NCAM2: variants seen among roughly 807,000 people sequenced by gnomAD.
NCAM2 encodes the protein neural cell adhesion molecule 2.
NCAM2 carries 30 observed loss-of-function variants against 98.1 expected under a neutral mutation model. The ratio of observed to expected loss-of-function variants is 0.31; its 90% CI spans 0.23 to 0.41. The LOEUF is 0.41. NCAM2 is among the 10% of genes least tolerant of loss of function. NCAM2 has a pLI of 1.00. For synonymous variants in NCAM2, 368 were observed against 342.4 expected, an observed-to-expected ratio of 1.07 and a Z score of -0.83; for missense variants, 867 against 1,005.8, an observed-to-expected ratio of 0.86 and a Z score of 1.87.
intron 1 of NCAM2, among the ~76,000 whole-genome samples, chr21:21,025,009 T>A (rs2064514298): frequency 6.6e-6 from 1 of 152,248 alleles, no homozygotes; most frequent in African/African-American, 2.4e-5. Context: ...TGTGCTAGAT[T>A]ATTGTTTGCA....
chr21:21,283,273 G>A (rs2072989948), intron 2 of NCAM2, among the ~76,000 whole-genome samples: 1 of 151,876 alleles, frequency 6.6e-6, no homozygotes, highest in African/African-American at 2.4e-5. Flanking sequence ...TTTCTTCAAA[G>A]AGGTCCTGCA....
intron 10 of NCAM2, among the ~76,000 whole-genome samples, chr21:21,411,255 A>G (rs2076882426): frequency 1.4e-5 from 2 of 144,976 alleles, no homozygotes; most frequent in Admixed American, 7.0e-5. Context: ...GGAAGAAAAA[A>G]TTGGTAATGT....
intron 1 of NCAM2, among the ~76,000 whole-genome samples, chr21:21,083,944 G>C (rs1308333670): frequency 6.6e-6 from 1 of 152,272 alleles, no homozygotes; most frequent in East Asian, 1.9e-4. Context: ...GTTGGGGAGA[G>C]TGGATGGTGT....
At chr21:21,444,678 A>C (rs1157429746) in intron 12 of NCAM2, among the ~76,000 whole-genome samples, 1 of 152,124 alleles carries the variant, frequency 6.6e-6, no homozygotes, top group Non-Finnish European at 1.5e-5. Flanking sequence ...ATCAGTGGTG[A>C]CATTCCCTTT....
intron 1 of NCAM2, among the ~76,000 whole-genome samples, chr21:21,250,693 C>T (rs898943312): frequency 2.0e-5 from 3 of 152,126 alleles, no homozygotes; most frequent in African/African-American, 4.8e-5. Flanking sequence ...CAAAACATTT[C>T]TACTAGTCAC....
intron 1 of NCAM2, among the ~76,000 whole-genome samples, chr21:21,170,230 T>C (rs1194876879): frequency 6.6e-6 from 1 of 152,200 alleles, no homozygotes; most frequent in African/African-American, 2.4e-5. Flanking sequence ...TCTTAATATA[T>C]GATCCAGCAG....
At chr21:21,355,530 G>T (rs1423624486) in intron 8 of NCAM2, among the ~76,000 whole-genome samples, 1 of 97,824 alleles carries the variant, frequency 1.0e-5, no homozygotes, top group African/African-American at 3.3e-5. Context: ...AGGGAGGAGG[G>T]AGGGAGGGAG....
intron 1 of NCAM2, among the ~76,000 whole-genome samples, chr21:21,180,028 C>T (rs192485440): frequency 3.8e-4 from 58 of 152,304 alleles, no homozygotes; most frequent in African/African-American, 1.2e-3. Flanking sequence ...CTGTTGGTGC[C>T]ACTTGCCATC....
intron 6 of NCAM2, among the ~76,000 whole-genome samples, chr21:21,332,066 C>A (rs1348628883): frequency 6.6e-6 from 1 of 151,696 alleles, no homozygotes; most frequent in Non-Finnish European, 1.5e-5. Context: ...CCACGCCCAG[C>A]TAATTATTTT....
intron 15 of NCAM2, among the ~76,000 whole-genome samples, chr21:21,484,825 T>G (rs1271503885): frequency 6.6e-6 from 1 of 152,178 alleles, no homozygotes; most frequent in Non-Finnish European, 1.5e-5. Flanking sequence ...TAACATACTT[T>G]ATTCTAAATT....
intron 13 of NCAM2, among the ~76,000 whole-genome samples, chr21:21,467,472 A>G (rs1173697794): frequency 6.8e-6 from 1 of 148,086 alleles, no homozygotes; most frequent in African/African-American, 2.5e-5. Flanking sequence ...GCTGCAATAT[A>G]TTATCTTACA....
intron 1 of NCAM2, among the ~76,000 whole-genome samples, chr21:21,128,604 C>T (rs1031275042): frequency 1.2e-4 from 18 of 151,956 alleles, no homozygotes; most frequent in Non-Finnish European, 2.2e-4. Context: ...AAAGTAGTGT[C>T]GAATAATGAT....
At chr21:21,325,374 T>C (rs756879464) in intron 6 of NCAM2, among the ~76,000 whole-genome samples, 2 of 152,228 alleles carry the variant, frequency 1.3e-5, no homozygotes, top group Non-Finnish European at 2.9e-5. Flanking sequence ...CTAACTTTTA[T>C]TCTTTTTTGC....
chr21:21,284,167 A>T (rs554277487), intron 2 of NCAM2, 27 bp from the exon 3 acceptor site: 1 of 1,558,752 alleles, frequency 6.4e-7, no homozygotes, highest in South Asian at 1.1e-5. Flanking sequence ...CAATTTTCAA[A>T]CCTTTATTTT....
chr21:21,141,847 T>G (rs2067174211), intron 1 of NCAM2, among the ~76,000 whole-genome samples: 1 of 152,180 alleles, frequency 6.6e-6, no homozygotes. Context: ...TTACTTTTAG[T>G]GGGAAATTGT....
At chr21:21,383,498 C>T (rs1332039120) in intron 9 of NCAM2, among the ~76,000 whole-genome samples, 2 of 152,058 alleles carry the variant, frequency 1.3e-5, no homozygotes, top group Admixed American at 1.3e-4. Flanking sequence ...TGGGAAAAGC[C>T]TTGAGAGAAA....
chr21:21,392,101 C>T, intron 9 of NCAM2, among the ~76,000 whole-genome samples: 1 of 152,106 alleles, frequency 6.6e-6, no homozygotes, highest in Non-Finnish European at 1.5e-5. Context: ...CTCCACCTCC[C>T]ACCCTCCACC....
At chr21:21,420,008 C>G (rs1415318768) in intron 11 of NCAM2, among the ~76,000 whole-genome samples, 3 of 152,032 alleles carry the variant, frequency 2.0e-5, no homozygotes, top group Non-Finnish European at 4.4e-5. Flanking sequence ...TTCTCCACAT[C>G]CTCTCCAGCA....
intron 9 of NCAM2, 122 bp downstream of exon 9, chr21:21,374,135 G>A: frequency 2.4e-6 from 2 of 848,206 alleles, no homozygotes; most frequent in Non-Finnish European, 3.5e-6. Context: ...CATAGCTTTA[G>A]AGGAAATATA....
Sources: allele counts gnomAD v4.1 joint callset (sites outside exome capture counted in the v4.1 genomes callset), GRCh38; gene constraint gnomAD v4.1.1; transcripts MANE v1.5; gene names NCBI Gene and HGNC (gene_info 2026-07-23, HGNC 2026-07-21).